The following EXT2 variants were observed in gnomAD, a reference collection of about 807,000 sequenced individuals.
EXT2 encodes exostosin-2.
In EXT2, 53 loss-of-function variants were observed where a neutral mutation model predicts 81.6. The observed-to-expected ratio is 0.65, with a 90% confidence interval of 0.52 to 0.82. The LOEUF is 0.82. Among genes scored for constraint, EXT2 ranks in the 40% least tolerant of loss-of-function variants. The pLI is 0.00. For missense variants in EXT2, 774 were observed against 910.2 expected (o/e 0.85, Z 1.93); for synonymous variants, 320 against 340.0 (o/e 0.94, Z 0.65).
At chr11:44,112,208 G>A (rs896090956) in intron 3 of EXT2, among the ~76,000 whole-genome samples, 1 of 152,198 alleles carries the variant, frequency 6.6e-6, no homozygotes, top group Non-Finnish European at 1.5e-5. Flanking sequence ...AAAACATGCA[G>A]AACACTGGGT....
intron 7 of EXT2, among the ~76,000 whole-genome samples, chr11:44,170,701 A>C (rs72901999): frequency 0.023 from 3,504 of 152,146 alleles, 71 homozygotes; most frequent in Middle Eastern, 0.086. Flanking sequence ...AGTTGGAATG[A>C]ACATATCCCT....
rs373359254 is a variant in EXT2, at chr11:44,247,663, G to A, written c.*3376G>A. On this transcript the variant is annotated 3_prime_UTR_variant, in exon 14 of 14. Coordinates refer to ENST00000533608, the MANE Select transcript of EXT2 (RefSeq NM_207122.2). ...TTTGAACTTGTGGTTTTTAAGTGCT[G>A]GTTTCTCTGCTGCCTTTGGAAAATA... Among the ~76,000 whole-genome samples the A allele has an allele frequency of 1.3e-5, 2 of 152,182 alleles. No individual in the cohort carries two copies. The highest frequency in any genetic ancestry group is 4.8e-5 in the African/African-American group (2 of 41,428).
chr11:44,225,197 C>G (rs1056029289), intron 10 of EXT2, among the ~76,000 whole-genome samples: 1 of 152,262 alleles, frequency 6.6e-6, no homozygotes, highest in Non-Finnish European at 1.5e-5. Context: ...TATTATCTCC[C>G]AAGAGATTCA....
At chr11:44,117,651 T>C (rs370842471) in intron 4 of EXT2, among the ~76,000 whole-genome samples, 2 of 152,254 alleles carry the variant, frequency 1.3e-5, no homozygotes, top group African/African-American at 4.8e-5. Flanking sequence ...GGATTGTCAA[T>C]TCGAATCTGT....
In EXT2 at chr11:44,107,844, G is replaced by T. The variant is rs199574918; in HGVS notation, c.132G>T (p.Gln44His). 1.2e-6 allele frequency: 2 copies of T among 1,614,062 alleles called. No homozygotes were observed. The highest frequency in any genetic ancestry group is 1.7e-6 in the Non-Finnish European group (2 of 1,180,052). Residue 44 changes from glutamine (Q) to histidine (H), a missense_variant, in exon 2 of 14, where the codon CAG becomes CAT. Transcript: ENST00000533608. Reference protein sequence around the residue: ...LLGLIATGMFQFWPHSIESSN... With the variant: ...LLGLIATGMFHFWPHSIESSN... Reference sequence around the variant, plus strand: ...GCCTCATTGCCACTGGCATGTTTCAGTTTTGGCCCCATTCTATCGAGTCCT... The same window carrying T: ...GCCTCATTGCCACTGGCATGTTTCATTTTTGGCCCCATTCTATCGAGTCCT...
chr11:44,181,981 A>G (rs1955242367), intron 8 of EXT2, among the ~76,000 whole-genome samples: 1 of 152,158 alleles, frequency 6.6e-6, no homozygotes, highest in Non-Finnish European at 1.5e-5. Flanking sequence ...ATTGGCATCC[A>G]TGGGTTATTT....
chr11:44,192,459 G>T (rs1388393525), intron 8 of EXT2, among the ~76,000 whole-genome samples: 3 of 152,138 alleles, frequency 2.0e-5, no homozygotes, highest in Non-Finnish European at 4.4e-5. Context: ...GGCTTATAGT[G>T]TATGTTCAGG....
chr11:44,109,656 C>T (rs1392231659), intron 3 of EXT2, among the ~76,000 whole-genome samples: 3 of 152,138 alleles, frequency 2.0e-5, no homozygotes, highest in African/African-American at 7.2e-5. Context: ...AAGCGATACC[C>T]AAAGCCTATA....
chr11:44,155,601 A>G (rs182801653), intron 7 of EXT2, among the ~76,000 whole-genome samples: 3 of 152,310 alleles, frequency 2.0e-5, no homozygotes, highest in Non-Finnish European at 4.4e-5. Context: ...CAAGCTAACA[A>G]GCAAAGAGAA....
Position 44,124,901 on chromosome 11 carries a change from T to C in EXT2, c.856T>C (p.Cys286Arg), listed in dbSNP as rs1203868965. Residue 286 changes from cysteine (C) to arginine (R), a missense_variant, in exon 5 of 14, where the codon TGC (cysteine) becomes CGC (arginine). Around this residue, in one of 2 missense-constraint regions of EXT2, gnomAD observed 626 missense variants for 670.5 expected, o/e 0.93. Coordinates refer to ENST00000533608, the MANE Select transcript of EXT2 (RefSeq NM_207122.2). ...AGAGTCAGTGTTAGTACTCGATAAA[T>C]GCACCAACCTCTCAGAGGGTGTCCT... ...HGESVLVLDKCTNLSEGVLSV... is the reference protein window; with the variant it reads ...HGESVLVLDKRTNLSEGVLSV... 17 of 1,614,114 alleles carry C rather than the reference T, an allele frequency of 1.1e-5. No homozygotes were observed. Among genetic ancestry groups the C allele is most frequent in the Non-Finnish European group, 1.4e-5 (17 of 1,180,024 alleles).
At chr11:44,193,501 A>G (rs1381585957) in intron 8 of EXT2, among the ~76,000 whole-genome samples, 2 of 152,348 alleles carry the variant, frequency 1.3e-5, no homozygotes, top group East Asian at 1.9e-4. Context: ...GAGGTACAAG[A>G]GAGATTAAGT....
At chr11:44,243,325 A>T (rs928882205) in intron 13 of EXT2, among the ~76,000 whole-genome samples, 3 of 152,178 alleles carry the variant, frequency 2.0e-5, no homozygotes, top group African/African-American at 7.2e-5. Flanking sequence ...CACATGCCTG[A>T]CCTGCTCACC....
chr11:44,219,174 A>G (rs1955754828), intron 10 of EXT2, among the ~76,000 whole-genome samples: 1 of 152,030 alleles, frequency 6.6e-6, no homozygotes, highest in Admixed American at 6.6e-5. Context: ...TAGAAATGAC[A>G]TATCCTAGAA....
At chr11:44,163,720 T>G (rs1370769365) in intron 7 of EXT2, among the ~76,000 whole-genome samples, 2 of 152,206 alleles carry the variant, frequency 1.3e-5, no homozygotes, top group African/African-American at 4.8e-5. Flanking sequence ...AAGTTTCCTG[T>G]AGCTCGGATC....
chr11:44,130,643 C>G (rs1220801711), intron 7 of EXT2, among the ~76,000 whole-genome samples: 1 of 152,222 alleles, frequency 6.6e-6, no homozygotes, highest in Non-Finnish European at 1.5e-5. Flanking sequence ...CACCCCATTC[C>G]CTAGGCTGAT....
At chr11:44,185,001 G>T (rs1348344839) in intron 8 of EXT2, among the ~76,000 whole-genome samples, 1 of 152,160 alleles carries the variant, frequency 6.6e-6, no homozygotes, top group East Asian at 1.9e-4. Context: ...TCCCCAGGAG[G>T]ATTCCCCCTC....
At chr11:44,208,511 C>T (rs183869163) in intron 10 of EXT2, among the ~76,000 whole-genome samples, 1 of 152,310 alleles carries the variant, frequency 6.6e-6, no homozygotes, top group African/African-American at 2.4e-5. Context: ...TACCTCTTTC[C>T]TCTGATTACT....
chr11:44,156,654 A>T (rs1407243587), intron 7 of EXT2, among the ~76,000 whole-genome samples: 1 of 152,232 alleles, frequency 6.6e-6, no homozygotes, highest in Non-Finnish European at 1.5e-5. Context: ...AAGCTTCCTC[A>T]AAAGAGCTAA....
chr11:44,237,599 A>G (rs1165990890), intron 13 of EXT2, among the ~76,000 whole-genome samples: 1 of 152,170 alleles, frequency 6.6e-6, no homozygotes, highest in African/African-American at 2.4e-5. Context: ...AATTCATAAC[A>G]GTAAGCTAAG....
Sources: gnomAD v4.1 joint callset for allele counts (sites outside exome capture counted in the v4.1 genomes callset) on GRCh38, gnomAD v4.1.1 for gene constraint, gnomAD v4.1.1 regional missense constraint, MANE v1.5 for transcripts, NCBI Gene and HGNC (gene_info 2026-07-23, HGNC 2026-07-21) for gene names.